TAFA2: variants seen among roughly 807,000 people sequenced by gnomAD.
TAFA2 encodes the protein TAFA chemokine like family member 2.
In TAFA2, 7 loss-of-function variants were observed where a neutral mutation model predicts 18.8. The ratio of observed to expected loss-of-function variants is 0.37; its 90% CI spans 0.21 to 0.70. The LOEUF is 0.70. Among genes scored for constraint, TAFA2 ranks in the 30% least tolerant of loss-of-function variants. The pLI is 0.53. For synonymous variants in TAFA2, 60 were observed against 54.2 expected, an observed-to-expected ratio of 1.11 and a Z score of -0.47; for missense variants, 122 against 158.1, an observed-to-expected ratio of 0.77 and a Z score of 1.23.
intron 1 of TAFA2, among the ~76,000 whole-genome samples, chr12:62,239,440 C>A (rs898773554): frequency 1.3e-5 from 2 of 152,134 alleles, no homozygotes; most frequent in African/African-American, 2.4e-5. Context: ...TAATACAAAT[C>A]TCATTACAGA....
intron 1 of TAFA2, among the ~76,000 whole-genome samples, chr12:61,954,595 G>A (rs1180961276): frequency 6.6e-6 from 1 of 151,972 alleles, no homozygotes; most frequent in Non-Finnish European, 1.5e-5. Flanking sequence ...ATATTGTTGG[G>A]GTGGACTTGA....
At chr12:61,983,848 T>C (rs1420481587) in intron 1 of TAFA2, among the ~76,000 whole-genome samples, 1 of 152,174 alleles carries the variant, frequency 6.6e-6, no homozygotes, top group South Asian at 2.1e-4. Context: ...GGTTTACTCA[T>C]TGTCCTTTTT....
upstream of TAFA2, among the ~76,000 whole-genome samples, chr12:62,193,278 C>G (rs547554540): frequency 1.3e-5 from 2 of 152,224 alleles, no homozygotes; most frequent in African/African-American, 4.8e-5. Flanking sequence ...AATGCTGACC[C>G]AGGAAATTTT....
chr12:61,734,858 T>C (rs898011190), intron 4 of TAFA2, among the ~76,000 whole-genome samples: 19 of 152,170 alleles, frequency 1.2e-4, no homozygotes, highest in Admixed American at 5.2e-4. Flanking sequence ...ATTTTCCCCT[T>C]CATCACCCCT....
At chr12:62,054,286 C>T (rs1335523782) in intron 1 of TAFA2, among the ~76,000 whole-genome samples, 2 of 152,188 alleles carry the variant, frequency 1.3e-5, no homozygotes, top group African/African-American at 4.8e-5. Flanking sequence ...GGACGTGATG[C>T]TGAAAAGTTT....
chr12:62,185,674 T>C (rs964634191), intron 1 of TAFA2, among the ~76,000 whole-genome samples: 4 of 152,192 alleles, frequency 2.6e-5, no homozygotes, highest in South Asian at 2.1e-4. Context: ...ATTAGAACTG[T>C]CTATAAGCTA....
chr12:61,949,339 C>T (rs1039897312), intron 1 of TAFA2, among the ~76,000 whole-genome samples: 1 of 152,008 alleles, frequency 6.6e-6, no homozygotes, highest in Non-Finnish European at 1.5e-5. Context: ...GAACTTATAC[C>T]ACTGGCTCTC....
intron 1 of TAFA2, among the ~76,000 whole-genome samples, chr12:62,124,483 A>T (rs1870365266): frequency 6.6e-6 from 1 of 152,154 alleles, no homozygotes; most frequent in Non-Finnish European, 1.5e-5. Flanking sequence ...GATAACAGAA[A>T]TGTAACTTAT....
chr12:62,231,309 A>G (rs1047083384), intron 1 of TAFA2, among the ~76,000 whole-genome samples: 1 of 152,078 alleles, frequency 6.6e-6, no homozygotes, highest in Non-Finnish European at 1.5e-5. Flanking sequence ...ATTATTATAT[A>G]CTCTTGGCCT....
chr12:61,764,146 A>C (rs1869683043), intron 2 of TAFA2, among the ~76,000 whole-genome samples: 1 of 152,034 alleles, frequency 6.6e-6, no homozygotes, highest in African/African-American at 2.4e-5. Context: ...CTCATACTGA[A>C]AACTGATACT....
intron 1 of TAFA2, among the ~76,000 whole-genome samples, chr12:62,132,868 T>G (rs1167058822): frequency 6.6e-6 from 1 of 152,024 alleles, no homozygotes; most frequent in Non-Finnish European, 1.5e-5. Context: ...CAGTGTATGT[T>G]AAAATACTGC....
At chr12:61,736,949 T>A (rs1227846153) in intron 4 of TAFA2, among the ~76,000 whole-genome samples, 1 of 151,982 alleles carries the variant, frequency 6.6e-6, no homozygotes, top group Non-Finnish European at 1.5e-5. Flanking sequence ...TATATAGATA[T>A]AGCACTGCAC....
intron 1 of TAFA2, among the ~76,000 whole-genome samples, chr12:62,057,578 A>G (rs1300147335): frequency 6.6e-6 from 1 of 151,814 alleles, no homozygotes; most frequent in Non-Finnish European, 1.5e-5. Context: ...TTTGTCATTC[A>G]ATTTGTTTTA....
chr12:62,223,021 CAAAT>C, intron 1 of TAFA2, among the ~76,000 whole-genome samples: 1 of 152,050 alleles, frequency 6.6e-6, no homozygotes, highest in Non-Finnish European at 1.5e-5. Flanking sequence ...AAAAAGAAGA[CAAAT>C]GAAGCAGGAA....
intron 1 of TAFA2, among the ~76,000 whole-genome samples, chr12:62,183,188 G>T (rs2062562999): frequency 6.6e-6 from 1 of 152,196 alleles, no homozygotes; most frequent in Admixed American, 6.5e-5. Flanking sequence ...GAAGAGACAT[G>T]AGAGAGATGA....
chr12:62,185,400 C>G (rs771421674), intron 1 of TAFA2, among the ~76,000 whole-genome samples: 8 of 152,078 alleles, frequency 5.3e-5, no homozygotes, highest in Admixed American at 4.6e-4. Context: ...AAAGTTAGAG[C>G]TATTTCACTC....
intron 1 of TAFA2, among the ~76,000 whole-genome samples, chr12:61,910,851 A>G (rs2121342329): frequency 6.6e-6 from 1 of 152,326 alleles, no homozygotes; most frequent in South Asian, 2.1e-4. Context: ...ACCCTGTGCA[A>G]TTCCGAACCA....
intron 1 of TAFA2, among the ~76,000 whole-genome samples, chr12:62,043,469 G>A (rs1178785769): frequency 2.6e-5 from 4 of 151,904 alleles, no homozygotes; most frequent in Admixed American, 2.6e-4. Flanking sequence ...GTTGTGAGGT[G>A]GGGGTAGGGG....
intron 1 of TAFA2, among the ~76,000 whole-genome samples, chr12:62,165,823 T>C (rs2062434612): frequency 6.6e-6 from 1 of 151,994 alleles, no homozygotes; most frequent in Non-Finnish European, 1.5e-5. Flanking sequence ...GTCCTCACAA[T>C]CTTACAAACT....
Sources: allele counts gnomAD v4.1 joint callset (sites outside exome capture counted in the v4.1 genomes callset), GRCh38; gene constraint gnomAD v4.1.1; transcripts MANE v1.5; gene names NCBI Gene and HGNC (gene_info 2026-07-23, HGNC 2026-07-21).